The following ZFHX3 variants were observed in gnomAD, a reference collection of about 807,000 sequenced individuals.
ZFHX3 encodes zinc finger homeobox protein 3.
Under a neutral mutation model 279.1 loss-of-function variants are expected in ZFHX3, and 42 were observed. The observed-to-expected ratio is 0.15, with a 90% CI of 0.12 to 0.19. ZFHX3 has a LOEUF of 0.19. Ranked by LOEUF, ZFHX3 falls within the 10% of genes least tolerant of loss-of-function variation. The probability of loss-of-function intolerance (pLI) is 1.00; values close to 1 mark genes in which losing one functional copy is unlikely to be tolerated. For synonymous variants in ZFHX3, 2,293 were observed against 1,957.8 expected, an observed-to-expected ratio of 1.17 and a Z score of -4.52; for missense variants, 4,981 against 4,754.0, an observed-to-expected ratio of 1.05 and a Z score of -1.40.
intron 1 of ZFHX3, among the ~76,000 whole-genome samples, chr16:73,825,594 G>T: frequency 1.1e-5 from 1 of 89,934 alleles, no homozygotes; most frequent in Non-Finnish European, 2.0e-5. Flanking sequence ...TGTAAGGAAG[G>T]GATCCAGTTT....
At chr16:73,069,494 C>T (rs923148302) in intron 8 of ZFHX3, among the ~76,000 whole-genome samples, 1 of 152,096 alleles carries the variant, frequency 6.6e-6, no homozygotes, top group Non-Finnish European at 1.5e-5. Flanking sequence ...ATTAGCCATG[C>T]AGTGCTATAA....
chr16:73,452,385 C>T (rs1214643119), intron 3 of ZFHX3, among the ~76,000 whole-genome samples: 1 of 152,094 alleles, frequency 6.6e-6, no homozygotes, highest in Non-Finnish European at 1.5e-5. Flanking sequence ...ATAAAAATCA[C>T]CTTTTTATTT....
intron 2 of ZFHX3, among the ~76,000 whole-genome samples, chr16:73,549,500 T>G (rs1196805036): frequency 6.6e-6 from 1 of 152,186 alleles, no homozygotes; most frequent in Non-Finnish European, 1.5e-5. Context: ...TAAATAGGAA[T>G]GTAAAAATGG....
At chr16:72,919,095 T>C (rs1254216071) in intron 3 of ZFHX3, among the ~76,000 whole-genome samples, 1 of 151,886 alleles carries the variant, frequency 6.6e-6, no homozygotes, top group Non-Finnish European at 1.5e-5. Context: ...ACAGATTCTG[T>C]GCATTTCCCT....
chr16:73,873,983 A>G (rs984269041), intron 1 of ZFHX3, among the ~76,000 whole-genome samples: 2 of 152,218 alleles, frequency 1.3e-5, no homozygotes, highest in Non-Finnish European at 2.9e-5. Flanking sequence ...AGAAGAAAAA[A>G]AAAAGAAACA....
At chr16:73,596,983 G>C (rs1386090865) in intron 2 of ZFHX3, among the ~76,000 whole-genome samples, 1 of 152,170 alleles carries the variant, frequency 6.6e-6, no homozygotes, top group East Asian at 1.9e-4. Flanking sequence ...AAAGTTCAGA[G>C]GTTTTAGCTA....
intron 8 of ZFHX3, among the ~76,000 whole-genome samples, chr16:73,070,229 G>T (rs982221627): frequency 6.6e-6 from 1 of 152,082 alleles, no homozygotes; most frequent in Non-Finnish European, 1.5e-5. Flanking sequence ...CATTGAATCT[G>T]TTAGCATTTT....
intron 3 of ZFHX3, among the ~76,000 whole-genome samples, chr16:73,327,373 T>C (rs534975059): frequency 8.5e-5 from 13 of 152,126 alleles, no homozygotes; most frequent in Non-Finnish European, 1.8e-4. Context: ...CTAAACCCAC[T>C]CCTACCCTTC....
Position 73,292,996 on chromosome 16 carries a change from C to A in ZFHX3, c.-1194+25244G>T, listed in dbSNP as rs1301810710. Reference sequence around the variant, plus strand: ...TCAGAGATGGCATCTACCATGGAGGCAAGTGGCCTCCAGAGAGAGCTTGTC... The same window carrying A: ...TCAGAGATGGCATCTACCATGGAGGAAAGTGGCCTCCAGAGAGAGCTTGTC... On this transcript the variant is annotated intron_variant, in intron 4 of 17. Transcript: ENST00000641206. Among the ~76,000 whole-genome samples, 7 of 152,260 alleles carry A rather than the reference C, an allele frequency of 4.6e-5. No individual in the cohort carries two copies. In the East Asian group the frequency reaches 9.6e-4, roughly 21 times the overall value.
At chr16:73,803,848 C>T (rs529187971) in intron 1 of ZFHX3, among the ~76,000 whole-genome samples, 5 of 152,166 alleles carry the variant, frequency 3.3e-5, no homozygotes, top group African/African-American at 9.6e-5. Flanking sequence ...GATAATGATA[C>T]AGAAAGATAT....
chr16:73,482,996 A>AAG (rs1243068000), intron 2 of ZFHX3, among the ~76,000 whole-genome samples: 1 of 152,218 alleles, frequency 6.6e-6, no homozygotes, highest in Non-Finnish European at 1.5e-5. Context: ...ATCGTTGCAA[A>AAG]AGAGAGAGAG....
chr16:73,879,092 A>T (rs1379038585), intron 1 of ZFHX3, among the ~76,000 whole-genome samples: 1 of 151,636 alleles, frequency 6.6e-6, no homozygotes, highest in Non-Finnish European at 1.5e-5. Flanking sequence ...TCTCTTGAGG[A>T]CCAAGTTAAC....
Position 72,787,030 on chromosome 16 carries a change from C to CTTTT in ZFHX3, c.*130_*133dup. The CTTTT allele has an allele frequency of 1.0e-6, 1 of 967,010 alleles. No homozygotes were observed. The highest frequency in any genetic ancestry group is 1.3e-6 in the Non-Finnish European group (1 of 763,438). The allele number at this position is 967,010 out of a possible 1,614,324, so 59.9% of individuals were successfully genotyped here. On this transcript the variant is annotated 3_prime_UTR_variant, in exon 10 of 10. Coordinates refer to ENST00000268489, the MANE Select transcript of ZFHX3 (RefSeq NM_006885.4). Reference sequence around the variant, plus strand: ...TATGGGAAAACAACCCACGCTTTTTCTTTTTTTTCTTTTTTTTTTTTTTTT... The same window carrying CTTTT: ...TATGGGAAAACAACCCACGCTTTTTCTTTTTTTTTTTTCTTTTTTTTTTTTTTTT...
chr16:73,776,821 C>T (rs934167313), intron 1 of ZFHX3, among the ~76,000 whole-genome samples: 1 of 152,128 alleles, frequency 6.6e-6, no homozygotes, highest in Admixed American at 6.5e-5. Context: ...ATTACATTCC[C>T]GCCTGAACCG....
At chr16:73,496,488 G>A (rs953052027) in intron 2 of ZFHX3, among the ~76,000 whole-genome samples, 4 of 152,162 alleles carry the variant, frequency 2.6e-5, no homozygotes, top group African/African-American at 9.7e-5. Flanking sequence ...CCAAGATCGT[G>A]CCACTGCACT....
chr16:73,068,533 T>C (rs965797298), intron 8 of ZFHX3, among the ~76,000 whole-genome samples: 84 of 152,348 alleles, frequency 5.5e-4, no homozygotes, highest in African/African-American at 1.7e-3. Flanking sequence ...TTGGAACCCA[T>C]GTAACAATTG....
At chr16:73,039,916 G>T (rs1965048964) in intron 1 of ZFHX3, among the ~76,000 whole-genome samples, 1 of 152,036 alleles carries the variant, frequency 6.6e-6, no homozygotes, top group Non-Finnish European at 1.5e-5. Flanking sequence ...CTCGGAACTG[G>T]TCATAAGTTT....
At chr16:72,842,566 G>A (rs556718822) in intron 4 of ZFHX3, among the ~76,000 whole-genome samples, 5 of 152,308 alleles carry the variant, frequency 3.3e-5, no homozygotes, top group Admixed American at 1.3e-4. Flanking sequence ...AGATAAGACC[G>A]TCCCATGATT....
At chr16:73,422,459 G>C (rs761557545) in intron 3 of ZFHX3, among the ~76,000 whole-genome samples, 12 of 152,164 alleles carry the variant, frequency 7.9e-5, no homozygotes, top group Non-Finnish European at 1.6e-4. Context: ...CCCAAGCACA[G>C]TGACTGGCAC....
Sources: gnomAD v4.1 joint callset for allele counts (sites outside exome capture counted in the v4.1 genomes callset) on GRCh38, gnomAD v4.1.1 for gene constraint, MANE v1.5 for transcripts, NCBI Gene and HGNC (gene_info 2026-07-23, HGNC 2026-07-21) for gene names.